The following TYW1B variants were observed in gnomAD, a reference collection of about 807,000 sequenced individuals.
TYW1B encodes the protein S-adenosyl-L-methionine-dependent tRNA 4-demethylwyosine synthase TYW1B.
Under a neutral mutation model 86.9 loss-of-function variants are expected in TYW1B, and 73 were observed. The ratio of observed to expected loss-of-function variants is 0.84; its 90% CI spans 0.70 to 1.02. The LOEUF (loss-of-function observed/expected upper bound fraction) is 1.02. Among genes scored for constraint, TYW1B ranks in the 50% least tolerant of loss-of-function variants. The probability of loss-of-function intolerance (pLI) is 0.00; values close to 1 mark genes in which losing one functional copy is unlikely to be tolerated. For missense variants in TYW1B, 637 were observed against 827.4 expected (o/e 0.77, Z 2.82); for synonymous variants, 248 against 292.8 (o/e 0.85, Z 1.56).
chr7:72,802,695 A>T (rs1788424653), intron 5 of TYW1B, among the ~76,000 whole-genome samples, 173 bp from the exon 6 acceptor site: 1 of 151,554 alleles, frequency 6.6e-6, no homozygotes, highest in South Asian at 2.1e-4. Flanking sequence ...ATCTCGGCTC[A>T]CTGCAACCTC....
At chr7:72,728,666 A>T (rs569584267) in intron 9 of TYW1B, among the ~76,000 whole-genome samples, 156 bp downstream of exon 9, 2 of 152,334 alleles carry the variant, frequency 1.3e-5, no homozygotes, top group East Asian at 3.9e-4. Context: ...AAAGCTAAAA[A>T]GGCAAAATAT....
At chr7:72,661,875 G>A (rs1176224413) in intron 11 of TYW1B, among the ~76,000 whole-genome samples, 2 of 151,846 alleles carry the variant, frequency 1.3e-5, no homozygotes, top group East Asian at 1.9e-4. Flanking sequence ...GACACCAAAG[G>A]TGGTAGGTTT....
chr7:72,757,237 G>A (rs192558951), intron 7 of TYW1B, among the ~76,000 whole-genome samples: 74 of 152,014 alleles, frequency 4.9e-4, no homozygotes, highest in Non-Finnish European at 8.1e-4. Context: ...GCGTGGTAGC[G>A]CGCGCCTGTA....
At chr7:72,747,466 T>G (rs1309576385) in intron 7 of TYW1B, among the ~76,000 whole-genome samples, 1 of 152,192 alleles carries the variant, frequency 6.6e-6, no homozygotes, top group African/African-American at 2.4e-5. Context: ...GCTTTTGCAT[T>G]TTTGTAAAAA....
In TYW1B at chr7:72,733,157, AAAACACACACACAC is replaced by A. The variant is rs1292094350; in HGVS notation, c.1083-4240_1083-4227del. ...TTCCCTGGTAAATTCCACCAAACCT[AAAACACACACACAC>A]ACACACACACACACACACACACACA... On this transcript the variant is annotated intron_variant, in intron 8 of 13. Coordinates refer to ENST00000620995, the MANE Select transcript of TYW1B (RefSeq NM_001145440.3). 5.7e-5 allele frequency among the ~76,000 whole-genome samples: 4 copies of A among 70,740 alleles called. No individual in the cohort carries two copies. In the Admixed American group the frequency reaches 7.4e-4, roughly 13 times the overall value. 46.4% of individuals were successfully genotyped at this position (70,740 alleles called of 152,430 possible).
At chr7:72,654,673 G>A (rs1238327007) in intron 11 of TYW1B, among the ~76,000 whole-genome samples, 1 of 152,162 alleles carries the variant, frequency 6.6e-6, no homozygotes, top group Non-Finnish European at 1.5e-5. Context: ...CTGAGGTCAG[G>A]AGTTCAAGAC....
At position 72,677,966 on chromosome 7, in the gene TYW1B, C is replaced by T. The variant is rs35320286; in HGVS notation, c.1506+16721G>A. Among the ~76,000 whole-genome samples, 15 of 151,788 alleles carry T rather than the reference C, an allele frequency of 9.9e-5. No homozygotes were observed. In the East Asian group the frequency reaches 1.6e-3, roughly 16 times the overall value. ...ATCCACCCACCTCAGTCTCCAAAAG[C>T]GCTGAGATTACAGGCGTGAGCCACC... On this transcript the variant is annotated intron_variant, in intron 11 of 13. Coordinates refer to ENST00000620995, the MANE Select transcript of TYW1B (RefSeq NM_001145440.3).
intron 11 of TYW1B, among the ~76,000 whole-genome samples, chr7:72,683,055 T>G (rs35245055): frequency 6.6e-6 from 1 of 152,198 alleles, no homozygotes; most frequent in Admixed American, 6.5e-5. Flanking sequence ...AGGTCTGCTC[T>G]CAGGAGAACC....
intron 10 of TYW1B, among the ~76,000 whole-genome samples, chr7:72,705,769 T>A (rs2129570555): frequency 6.6e-6 from 1 of 152,172 alleles, no homozygotes; most frequent in East Asian, 1.9e-4. Flanking sequence ...ACAAACCAGT[T>A]CTCTGAGGTT....
intron 6 of TYW1B, among the ~76,000 whole-genome samples, chr7:72,780,568 A>G (rs1788033999): frequency 6.6e-6 from 1 of 152,168 alleles, no homozygotes; most frequent in South Asian, 2.1e-4. Context: ...GGTTTTAAAC[A>G]GAGACTTCTG....
intron 9 of TYW1B, among the ~76,000 whole-genome samples, chr7:72,717,337 A>G (rs1554456354): frequency 6.6e-6 from 1 of 151,506 alleles, no homozygotes; most frequent in African/African-American, 2.4e-5. Flanking sequence ...TTTATACAGC[A>G]TTTTCACTTA....
At chr7:72,743,366 G>A (rs564196682) in intron 8 of TYW1B, among the ~76,000 whole-genome samples, 1 of 152,240 alleles carries the variant, frequency 6.6e-6, no homozygotes, top group South Asian at 2.1e-4. Context: ...CAGAAGGAGT[G>A]GCGTCCCCCT....
chr7:72,680,941 A>G (rs1813859427), intron 11 of TYW1B, among the ~76,000 whole-genome samples: 1 of 152,196 alleles, frequency 6.6e-6, no homozygotes, highest in Non-Finnish European at 1.5e-5. Context: ...AAAATATTTA[A>G]TCATATACAC....
intron 11 of TYW1B, among the ~76,000 whole-genome samples, chr7:72,666,814 G>A (rs1355812942): frequency 1.3e-5 from 2 of 151,832 alleles, no homozygotes; most frequent in Non-Finnish European, 2.9e-5. Flanking sequence ...GGTGGATCAC[G>A]AGGTCAGGAG....
chr7:72,796,231 C>A (rs1427767322), intron 6 of TYW1B, among the ~76,000 whole-genome samples: 1 of 62,348 alleles, frequency 1.6e-5, no homozygotes, highest in Non-Finnish European at 4.1e-5. Context: ...CTGTTTGAGC[C>A]GCACACAGAC....
At chr7:72,787,253 G>C (rs1788144597) in intron 6 of TYW1B, among the ~76,000 whole-genome samples, 1 of 152,014 alleles carries the variant, frequency 6.6e-6, no homozygotes, top group South Asian at 2.1e-4. Flanking sequence ...CTTGAGATCA[G>C]GAGTTCAAAA....
At chr7:72,716,471 G>C (rs545575960) in intron 9 of TYW1B, among the ~76,000 whole-genome samples, 72 of 152,310 alleles carry the variant, frequency 4.7e-4, no homozygotes, top group African/African-American at 1.7e-3. Flanking sequence ...GCGAAATAAA[G>C]TTAAATTTCA....
At chr7:72,654,431 A>G (rs538613454) in intron 11 of TYW1B, among the ~76,000 whole-genome samples, 1 of 152,228 alleles carries the variant, frequency 6.6e-6, no homozygotes, top group African/African-American at 2.4e-5. Flanking sequence ...ATCAAAGACA[A>G]GGGAAGTCTG....
At chr7:72,790,640 C>A (rs1287461236) in intron 6 of TYW1B, among the ~76,000 whole-genome samples, 2 of 152,206 alleles carry the variant, frequency 1.3e-5, no homozygotes, top group South Asian at 2.1e-4. Flanking sequence ...AGACCCTGTA[C>A]ACAACTCAAC....
Sources: allele counts gnomAD v4.1 joint callset (sites outside exome capture counted in the v4.1 genomes callset), GRCh38; gene constraint gnomAD v4.1.1; transcripts MANE v1.5; gene names NCBI Gene and HGNC (gene_info 2026-07-23, HGNC 2026-07-21).